The following ZNF175 variants were observed in gnomAD, a reference collection of about 807,000 sequenced individuals.
ZNF175 encodes zinc finger protein 175, also known as zinc finger protein OTK18.
In ZNF175, 8 loss-of-function variants were observed where a neutral mutation model predicts 14.0. That is an observed-to-expected ratio of 0.57 (90% CI 0.34 to 1.03). The LOEUF is 1.03. Among genes scored for constraint, ZNF175 ranks in the 50% least tolerant of loss-of-function variants. ZNF175 has a pLI of 0.03. For synonymous variants in ZNF175, 255 were observed against 296.8 expected, an observed-to-expected ratio of 0.86 and a Z score of 1.45; for missense variants, 764 against 849.5, an observed-to-expected ratio of 0.90 and a Z score of 1.25.
rs199639324 is a variant in ZNF175 at position 51,585,520 on chromosome 19, T to TA, written c.296-1107_296-1106insA. 2.6e-5 allele frequency among the ~76,000 whole-genome samples: 4 copies of TA among 152,178 alleles called. No homozygotes were observed. In the South Asian group the frequency reaches 8.3e-4, roughly 32 times the overall value. ...AATAAAGATTAAAAGTGTCCTTTTT[T>TA]TAAAAAAAGAATGAAAGATGATTGA... On this transcript the variant is annotated intron_variant, in intron 4 of 4. Coordinates refer to ENST00000262259, the MANE Select transcript of ZNF175 (RefSeq NM_007147.4).
At chr19:51,578,008 T>C (rs574990095) in intron 2 of ZNF175, among the ~76,000 whole-genome samples, 1 of 152,142 alleles carries the variant, frequency 6.6e-6, no homozygotes, top group East Asian at 1.9e-4. Context: ...TTCTTCCACA[T>C]AGGTAATTAT....
At chr19:51,581,244 T>C in intron 2 of ZNF175, 147 bp from the exon 3 acceptor site, 1 of 1,042,178 alleles carries the variant, frequency 9.6e-7, no homozygotes, top group Non-Finnish European at 1.4e-6. Flanking sequence ...TTTTTTTAAA[T>C]CCCTAAAAAT....
chr19:51,577,310 C>G (rs1320904932), intron 2 of ZNF175, among the ~76,000 whole-genome samples: 1 of 152,176 alleles, frequency 6.6e-6, no homozygotes, highest in Non-Finnish European at 1.5e-5. Context: ...CATATAGTCT[C>G]TCTGCTCTCA....
intron 2 of ZNF175, among the ~76,000 whole-genome samples, chr19:51,576,139 AGTTTTTTTTTTT>A (rs952706412): frequency 2.8e-5 from 4 of 140,950 alleles, no homozygotes; most frequent in African/African-American, 1.0e-4. Flanking sequence ...TTTCAGGGAC[AGTTTTTTTTTTT>A]GTTTTTTTTT....
rs749228601 is a variant in ZNF175 at position 51,588,548 on chromosome 19, C to G, written c.*81C>G. On this transcript the variant is annotated 3_prime_UTR_variant, in exon 5 of 5. Transcript: ENST00000262259. ...AGAGAAAATCTTCTCAGAATCAGGT[C>G]TAATTATATGTTATTGAATTCATGC... 72 of 1,431,976 alleles carry G rather than the reference C, an allele frequency of 5.0e-5. No individual in the cohort carries two copies. The Middle Eastern group carries it at 1.8e-3, about 36-fold the overall frequency. The allele number at this position is 1,431,976 out of a possible 1,614,324, so 88.7% of individuals were successfully genotyped here.
In ZNF175 at chr19:51,586,820, C is replaced by G. The variant is rs770088343; in HGVS notation, c.489C>G (p.Asn163Lys). Residue 163 changes from asparagine (N) to lysine (K), a missense_variant, in exon 5 of 5, where the codon AAC becomes AAG. Transcript: ENST00000262259. ...IQPMSHSAFFNKKTLNTESNC... is the reference protein window; with the variant it reads ...IQPMSHSAFFKKKTLNTESNC... ...CCATGAGTCACAGTGCTTTCTTCAA[C>G]AAGAAAACATTGAACACAGAAAGCA... 2 of 1,614,014 alleles carry G rather than the reference C, an allele frequency of 1.2e-6. No homozygotes were observed. The highest frequency in any genetic ancestry group is 1.6e-4 in the Middle Eastern group (1 of 6,062).
intron 2 of ZNF175, among the ~76,000 whole-genome samples, chr19:51,578,920 C>T (rs1981900274): frequency 6.6e-6 from 1 of 152,072 alleles, no homozygotes; most frequent in Non-Finnish European, 1.5e-5. Flanking sequence ...AGTTTGAGAC[C>T]AGCATGGGCA....
intron 2 of ZNF175, among the ~76,000 whole-genome samples, chr19:51,578,006 C>T (rs1468340245): frequency 6.6e-6 from 1 of 152,032 alleles, no homozygotes; most frequent in Non-Finnish European, 1.5e-5. Flanking sequence ...GTTTCTTCCA[C>T]ATAGGTAATT....
intron 4 of ZNF175, among the ~76,000 whole-genome samples, chr19:51,584,332 A>T (rs1267371883): frequency 6.6e-6 from 1 of 152,224 alleles, no homozygotes; most frequent in African/African-American, 2.4e-5. Context: ...AGATGAAGCA[A>T]GCTTAATGGG....
At chr19:51,580,925 T>G (rs576915579) in intron 2 of ZNF175, among the ~76,000 whole-genome samples, 37 of 152,342 alleles carry the variant, frequency 2.4e-4, no homozygotes, top group Non-Finnish European at 4.4e-4. Flanking sequence ...TAATTTGCCC[T>G]TCCCCAACAG....
chr19:51,590,015 G>T lies in ZNF175; in HGVS notation c.*1548G>T, dbSNP rs1982305634. 1 of 177,152 alleles carries T rather than the reference G, an allele frequency of 5.6e-6. No individual in the cohort carries two copies. The highest frequency in any genetic ancestry group is 1.2e-5 in the Non-Finnish European group (1 of 83,042). The allele number at this position is 177,152 out of a possible 1,614,324, so 11.0% of individuals were successfully genotyped here. On this transcript the variant is annotated 3_prime_UTR_variant, in exon 5 of 5. Coordinates refer to ENST00000262259, the MANE Select transcript of ZNF175 (RefSeq NM_007147.4). ...TTTTTTCATTCTACAATCCATGATG[G>T]ATTGTACACACGTGTATTCTATGAG...
At chr19:51,581,915 T>C in intron 4 of ZNF175, 33 bp downstream of exon 4, 1 of 1,581,452 alleles carries the variant, frequency 6.3e-7, no homozygotes, top group South Asian at 1.1e-5. Context: ...AATGTAGATA[T>C]CTTTGCAGGG....
chr19:51,574,513 C>G (rs983233962), intron 2 of ZNF175, among the ~76,000 whole-genome samples: 1 of 152,052 alleles, frequency 6.6e-6, no homozygotes, highest in Non-Finnish European at 1.5e-5. Flanking sequence ...TACAAAAATA[C>G]AAAAATTAGC....
At chr19:51,573,754 C>G (rs146053891) in intron 2 of ZNF175, 87 of 380,506 alleles carry the variant, frequency 2.3e-4, no homozygotes, top group African/African-American at 1.6e-3. Context: ...TGGTCCCCCC[C>G]ACCAAATTCC....
In ZNF175 at chr19:51,585,178, C is replaced by T. The variant is rs140259856; in HGVS notation, c.296-1449C>T. ...AGGAATTATGAAACATGTTGCAGTG[C>T]GGATGAATCTTATCATGATGCTAAG... is the stretch of plus-strand genomic sequence containing the variant. On this transcript the variant is annotated intron_variant, in intron 4 of 4. Transcript: ENST00000262259. Among the ~76,000 whole-genome samples, 1,478 of 152,248 alleles carry T rather than the reference C, an allele frequency of 9.7e-3. 13 individuals carry two copies. The highest frequency in any genetic ancestry group is 0.024 in the Middle Eastern group (7 of 294).
intron 2 of ZNF175, among the ~76,000 whole-genome samples, chr19:51,576,696 C>T (rs999131728): frequency 2.6e-5 from 4 of 152,168 alleles, no homozygotes; most frequent in Admixed American, 1.3e-4. Context: ...GTTCTCCTGG[C>T]GCCTCACGCT....
rs111706841 is a variant in ZNF175, at chr19:51,586,968, G to C, written c.637G>C (p.Gly213Arg). The C allele has an allele frequency of 2.5e-6, 4 of 1,614,110 alleles. No homozygotes were observed. Among genetic ancestry groups the C allele is most frequent in the Non-Finnish European group, 3.4e-6 (4 of 1,180,010 alleles). Residue 213 changes from glycine to arginine, a missense_variant, in exon 5 of 5, where the codon GGT (glycine) becomes CGT (arginine). Physicochemically the swap from Gly to Arg is moderately radical, Grantham distance 125 (BLOSUM62 -2). Transcript: ENST00000262259. ...ESLKLNLEVN[G>R]QNESNDTEQL... ...TTTGAAGCTGAACCTAGAAGTGAACGGTCAGAATGAAAGCAATGACACAGA... is the reference window on the plus strand; with the variant it reads ...TTTGAAGCTGAACCTAGAAGTGAACCGTCAGAATGAAAGCAATGACACAGA...
In ZNF175 at chr19:51,581,770, T is replaced by C; in HGVS notation, c.200-17T>C. On this transcript the variant is annotated splice_polypyrimidine_tract_variant and intron_variant, in intron 3 of 4. Transcript: ENST00000262259. ...GAAGAAGCTACACCCAAATCCAGTATCCTTTCTAATTAACAGGGTATCACA... is the reference window on the plus strand; with the variant it reads ...GAAGAAGCTACACCCAAATCCAGTACCCTTTCTAATTAACAGGGTATCACA... 1 of 1,612,614 alleles carries C rather than the reference T, an allele frequency of 6.2e-7. No homozygotes were observed. Among genetic ancestry groups the C allele is most frequent in the South Asian group, 1.1e-5 (1 of 90,918 alleles).
chr19:51,588,032 C>T lies in ZNF175; in HGVS notation c.1701C>T (p.Ala567=), dbSNP rs61736482. 2.5e-6 allele frequency: 4 copies of T among 1,614,180 alleles called. No individual in the cohort carries two copies. Among genetic ancestry groups the T allele is most frequent in the Non-Finnish European group, 3.4e-6 (4 of 1,180,010 alleles). Residue 567 remains alanine (A), a synonymous_variant, in exon 5 of 5, where the codon GCC becomes GCT. Coordinates refer to ENST00000262259, the MANE Select transcript of ZNF175 (RefSeq NM_007147.4). ...KPYKCSECGK[A]FTSKSQFKEH... ...ACAAATGCAGTGAATGTGGGAAAGC[C>T]TTCACTTCTAAGTCTCAATTCAAAG...
Sources: allele counts gnomAD v4.1 joint callset (sites outside exome capture counted in the v4.1 genomes callset), GRCh38; gene constraint gnomAD v4.1.1; transcripts MANE v1.5; gene names NCBI Gene and HGNC (gene_info 2026-07-23, HGNC 2026-07-21).